DYNC2H1: variants seen among roughly 807,000 people sequenced by gnomAD.
DYNC2H1 encodes the protein dynein cytoplasmic 2 heavy chain 1, also known as cytoplasmic dynein 2 heavy chain 1.
DYNC2H1 carries 410 observed loss-of-function variants against 570.0 expected under a neutral mutation model. The observed-to-expected ratio is 0.72, with a 90% CI of 0.66 to 0.78. DYNC2H1 has a LOEUF of 0.78. DYNC2H1 is among the 30% of genes least tolerant of loss of function. DYNC2H1 has a pLI of 0.00. For missense variants in DYNC2H1, 4,865 were observed against 5,046.4 expected, an observed-to-expected ratio of 0.96 and a Z score of 1.09; for synonymous variants, 1,688 against 1,677.6, an observed-to-expected ratio of 1.01 and a Z score of -0.15.
Position 103,260,049 on chromosome 11 carries a change from A to ATTTATAAATATATATATTTATAAATAT in DYNC2H1, c.10695+72_10695+73insTTTATAAATATATATATTTATAAATAT. ...GATTTAACGTAATATTTATAGTTATAGTATAACTCTTTCCCTACTGGAAAG... is the reference window on the plus strand; with the variant it reads ...GATTTAACGTAATATTTATAGTTATATTTATAAATATATATATTTATAAATATGTATAACTCTTTCCCTACTGGAAAG... On this transcript the variant is annotated intron_variant, in intron 70 of 88. Transcript: ENST00000375735. 176 of 898,770 alleles carry ATTTATAAATATATATATTTATAAATAT rather than the reference A, an allele frequency of 2.0e-4. 4 individuals carry two copies. Among genetic ancestry groups the ATTTATAAATATATATATTTATAAATAT allele is most frequent in the South Asian group, 6.3e-4 (30 of 47,360 alleles). 55.7% of individuals were successfully genotyped at this position (898,770 alleles called of 1,614,324 possible).
chr11:103,253,525 C>A, intron 66 of DYNC2H1, 77 bp downstream of exon 66: 1 of 1,361,832 alleles, frequency 7.3e-7, no homozygotes, highest in Admixed American at 2.3e-5. Flanking sequence ...GAGTGAGAAG[C>A]TATTTTGTTA....
chr11:103,385,982 G>A (rs1304512403), intron 83 of DYNC2H1, among the ~76,000 whole-genome samples: 2 of 152,120 alleles, frequency 1.3e-5, no homozygotes, highest in Non-Finnish European at 2.9e-5. Flanking sequence ...TACTATGAGA[G>A]AATTAATAAG....
rs113286093 is a variant in DYNC2H1, at chr11:103,472,319, G to A, written c.12765+3614G>A. Among the ~76,000 whole-genome samples, 393 of 152,116 alleles carry A rather than the reference G, an allele frequency of 2.6e-3. 2 individuals are homozygous for A. The highest frequency in any genetic ancestry group is 0.017 in the Middle Eastern group (5 of 294). On this transcript the variant is annotated intron_variant, in intron 88 of 88. Coordinates refer to ENST00000375735, the MANE Select transcript of DYNC2H1 (RefSeq NM_001377.3). This position sits in a 1 kb window ranked among gnomAD's most constrained non-coding sequence, Gnocchi z 4.1. Reference sequence around the variant, plus strand: ...GCAGGAGAATCACTTGAGCCCAGGAGTTAGAGCCTGGCTTGGGCAACATAG... The same window carrying A: ...GCAGGAGAATCACTTGAGCCCAGGAATTAGAGCCTGGCTTGGGCAACATAG...
chr11:103,114,277 A>G, intron 3 of DYNC2H1, 39 bp downstream of exon 3: 3 of 1,508,262 alleles, frequency 2.0e-6, no homozygotes, highest in Non-Finnish European at 2.7e-6. Flanking sequence ...GTACAAAATG[A>G]TTGTCTCATT....
intron 39 of DYNC2H1, among the ~76,000 whole-genome samples, chr11:103,179,477 G>T (rs1405432489): frequency 6.6e-6 from 1 of 151,734 alleles, no homozygotes; most frequent in African/African-American, 2.4e-5. Flanking sequence ...GAAACAGCAA[G>T]AAAATTTGGT....
chr11:103,365,319 C>T (rs1249394840), intron 83 of DYNC2H1, among the ~76,000 whole-genome samples: 2 of 151,854 alleles, frequency 1.3e-5, no homozygotes, highest in Non-Finnish European at 2.9e-5. Context: ...CAAGATCGCA[C>T]CATTGCACTC....
At chr11:103,327,460 A>G (rs1938556648) in intron 82 of DYNC2H1, among the ~76,000 whole-genome samples, 1 of 152,092 alleles carries the variant, frequency 6.6e-6, no homozygotes, top group African/African-American at 2.4e-5. Context: ...AGGCTCCAAA[A>G]AAGGATTTGC....
At chr11:103,300,221 C>G (rs1424983637) in intron 75 of DYNC2H1, among the ~76,000 whole-genome samples, 2 of 151,804 alleles carry the variant, frequency 1.3e-5, no homozygotes, top group East Asian at 3.8e-4. Context: ...TTTTTGTTAT[C>G]TCAGTATTGT....
At chr11:103,434,837 T>C (rs934355138) in intron 84 of DYNC2H1, among the ~76,000 whole-genome samples, 2 of 151,990 alleles carry the variant, frequency 1.3e-5, no homozygotes, top group Non-Finnish European at 2.9e-5. Context: ...CAAAGACAGT[T>C]TGGGCTCCAC....
At chr11:103,217,955 A>G (rs1200725337) in intron 55 of DYNC2H1, among the ~76,000 whole-genome samples, 1 of 152,212 alleles carries the variant, frequency 6.6e-6, no homozygotes, top group African/African-American at 2.4e-5. Flanking sequence ...CAGTAAACAC[A>G]TGAAAATATG....
chr11:103,137,576 A>T (rs1859640716), intron 17 of DYNC2H1, among the ~76,000 whole-genome samples: 3 of 152,084 alleles, frequency 2.0e-5, no homozygotes, highest in Admixed American at 2.0e-4. Context: ...GTTCTGTTCC[A>T]TTGATCTATA....
intron 13 of DYNC2H1, among the ~76,000 whole-genome samples, chr11:103,130,565 A>G (rs1859219080): frequency 6.6e-6 from 1 of 152,258 alleles, no homozygotes; most frequent in South Asian, 2.1e-4. Context: ...CATGCCATGA[A>G]GAAATGACCA....
At position 103,115,305 on chromosome 11, in the gene DYNC2H1, T is replaced by G. The variant is rs1235809404; in HGVS notation, c.621+10T>G. 1.3e-6 allele frequency: 2 copies of G among 1,536,286 alleles called. No homozygotes were observed. Among genetic ancestry groups the G allele is most frequent in the African/African-American group, 1.4e-5 (1 of 72,988 alleles). On this transcript the variant is annotated intron_variant, in intron 4 of 88. Coordinates refer to ENST00000375735, the MANE Select transcript of DYNC2H1 (RefSeq NM_001377.3). ...TGAAACAATTGCAAGAGTATGTGAT[T>G]CATAAATGGTGATATATTGGGCTTC...
Position 103,257,707 on chromosome 11 carries a change from G to C in DYNC2H1, c.10561G>C (p.Ala3521Pro). The C allele has an allele frequency of 6.2e-7, 1 of 1,608,654 alleles. No individual in the cohort carries two copies. Among genetic ancestry groups the C allele is most frequent in the South Asian group, 1.1e-5 (1 of 89,998 alleles). Residue 3521 changes from alanine (A) to proline (P), a missense_variant, in exon 69 of 89, where the codon GCT becomes CCT. Around this residue, in one of 5 missense-constraint regions of DYNC2H1, gnomAD observed 2,401 missense variants for 2,454.6 expected, o/e 0.98. Transcript: ENST00000375735. ...TAATAACATGTACCGTTTTAGTTTG[G>C]CTGCTTTTCTCCGACTTTTCCAACG... ...KINNMYRFSLAAFLRLFQRAL... is the reference protein window; with the variant it reads ...KINNMYRFSLPAFLRLFQRAL...
chr11:103,193,817 G>C (rs1169222407), intron 47 of DYNC2H1, among the ~76,000 whole-genome samples: 1 of 151,936 alleles, frequency 6.6e-6, no homozygotes, highest in Non-Finnish European at 1.5e-5. Flanking sequence ...CAAGGTGCTG[G>C]GATTAGCTGT....
At chr11:103,168,079 C>T (rs1396467962) in intron 31 of DYNC2H1, among the ~76,000 whole-genome samples, 1 of 152,172 alleles carries the variant, frequency 6.6e-6, no homozygotes. Flanking sequence ...TTTTGTTTCT[C>T]TGGCCAGAAA....
At chr11:103,362,333 C>CTTTTTT (rs1230736946) in intron 83 of DYNC2H1, among the ~76,000 whole-genome samples, 11 of 25,090 alleles carry the variant, frequency 4.4e-4, no homozygotes, top group Non-Finnish European at 5.8e-4. Context: ...TTTTTTTTTT[C>CTTTTTT]TTTTTTTTTT....
rs1432941803 is a variant in DYNC2H1, at chr11:103,326,539, C to A, written c.12039+2549C>A. Among the ~76,000 whole-genome samples, 1 of 152,196 alleles carries A rather than the reference C, an allele frequency of 6.6e-6. No homozygotes were observed. The highest frequency in any genetic ancestry group is 1.9e-4 in the East Asian group (1 of 5,178). On this transcript the variant is annotated intron_variant, in intron 82 of 88. Coordinates refer to ENST00000375735, the MANE Select transcript of DYNC2H1 (RefSeq NM_001377.3). The surrounding 1 kb of genome is among the most constrained non-coding windows in gnomAD (Gnocchi z 6.1). ...TGGCCGCAGATCTGGGCTCGGTACT[C>A]CTGAGCTGCAGACCGCATTCCGGGG...
chr11:103,143,378 A>G lies in DYNC2H1; in HGVS notation c.2685A>G (p.Glu895=). The change falls in exon 18 of 89, where the codon GAA becomes GAG. Residue 895 remains glutamate (E), a synonymous_variant. Transcript: ENST00000375735. Reference sequence around the variant, plus strand: ...AAGCATTAAAAATAAAGGGGAAAGAAGTAGAACGACTTCCAAGGTATTGGA... The same window carrying G: ...AAGCATTAAAAATAAAGGGGAAAGAGGTAGAACGACTTCCAAGGTATTGGA... ...NFKALKIKGK[E]VERLPSAVKV... is the part of the protein sequence containing the mutation. 6.2e-7 allele frequency: 1 copy of G among 1,610,870 alleles called. No individual in the cohort carries two copies. Among genetic ancestry groups the G allele is most frequent in the Non-Finnish European group, 8.5e-7 (1 of 1,178,832 alleles).
Sources: allele counts gnomAD v4.1 joint callset (sites outside exome capture counted in the v4.1 genomes callset), GRCh38; gene constraint gnomAD v4.1.1; regional missense constraint gnomAD v4.1.1; non-coding constraint Gnocchi (gnomAD v3.1); transcripts MANE v1.5; gene names NCBI Gene and HGNC (gene_info 2026-07-23, HGNC 2026-07-21).